DYNC2H1: variants seen among roughly 807,000 people sequenced by gnomAD.
The protein encoded by DYNC2H1 is dynein cytoplasmic 2 heavy chain 1.
Under a neutral mutation model 570.0 loss-of-function variants are expected in DYNC2H1, and 410 were observed. The ratio of observed to expected loss-of-function variants is 0.72; its 90% CI spans 0.66 to 0.78. The LOEUF (loss-of-function observed/expected upper bound fraction) is 0.78. Ranked by LOEUF, DYNC2H1 falls within the 30% of genes least tolerant of loss-of-function variation. DYNC2H1 has a pLI of 0.00. For synonymous variants in DYNC2H1, 1,688 were observed against 1,677.6 expected (o/e 1.01, Z -0.15); for missense variants, 4,865 against 5,046.4 (o/e 0.96, Z 1.09).
intron 43 of DYNC2H1, 72 bp from the exon 44 acceptor site, chr11:103,188,425 G>A: frequency 8.3e-7 from 1 of 1,211,970 alleles, no homozygotes; most frequent in South Asian, 1.9e-5. Context: ...TGAAACTTAG[G>A]CAAAAATATC....
Position 103,199,643 on chromosome 11 carries a change from T to C in DYNC2H1, c.8088+167T>C, listed in dbSNP as rs1862638392. 6.6e-6 allele frequency among the ~76,000 whole-genome samples: 1 copy of C among 152,184 alleles called. No homozygotes were observed. Among genetic ancestry groups the C allele is most frequent in the Admixed American group, 6.5e-5 (1 of 15,268 alleles). ...GTAGTCTTTATTTTAATTTAGATTA[T>C]TTTTTCCATGATTATTAGAAAATTA... On this transcript the variant is annotated intron_variant, in intron 49 of 88. Transcript: ENST00000375735. This position sits in a 1 kb window ranked among gnomAD's most constrained non-coding sequence, Gnocchi z 4.6.
rs534044522 is a variant in DYNC2H1 at position 103,306,205 on chromosome 11, G to A, written c.11382+1485G>A. Among the ~76,000 whole-genome samples the A allele has an allele frequency of 4.9e-4, 75 of 152,278 alleles. No individual in the cohort carries two copies. The Middle Eastern group carries it at 0.02, about 41-fold the overall frequency. On this transcript the variant is annotated intron_variant, in intron 77 of 88. Coordinates refer to ENST00000375735, the MANE Select transcript of DYNC2H1 (RefSeq NM_001377.3). ...TGGGATTGCAGGCGTGAGCCATCGCGCCTAGCCTGATAAATCATGTATGTT... is the reference window on the plus strand; with the variant it reads ...TGGGATTGCAGGCGTGAGCCATCGCACCTAGCCTGATAAATCATGTATGTT...
At chr11:103,138,441 A>G (rs1859697512) in intron 17 of DYNC2H1, among the ~76,000 whole-genome samples, 1 of 152,118 alleles carries the variant, frequency 6.6e-6, no homozygotes, top group African/African-American at 2.4e-5. Context: ...GAATTTTGTC[A>G]AAGGCCTTTT....
rs61898176 is a variant in DYNC2H1, at chr11:103,264,977, C to G, written c.10695+5000C>G. On this transcript the variant is annotated intron_variant, in intron 70 of 88. Transcript: ENST00000375735. This position sits in a 1 kb window ranked among gnomAD's most constrained non-coding sequence, Gnocchi z 4.8. ...TTGTATATTTAGAAAACCCCATCGT[C>G]TCAGCCCAAAAGCTCCTTAAGCTAA... Among the ~76,000 whole-genome samples the G allele has an allele frequency of 0.089, 13,468 of 152,180 alleles. 785 individuals carry two copies. Among genetic ancestry groups the G allele is most frequent in the Non-Finnish European group, 0.12 (8,136 of 67,996 alleles).
At chr11:103,142,264 C>T (rs1859988275) in intron 17 of DYNC2H1, among the ~76,000 whole-genome samples, 1 of 152,246 alleles carries the variant, frequency 6.6e-6, no homozygotes, top group Admixed American at 6.5e-5. Flanking sequence ...TACCTGGTAC[C>T]TCAGATGGAA....
chr11:103,200,399 T>G (rs533818534), intron 50 of DYNC2H1, among the ~76,000 whole-genome samples: 1 of 152,298 alleles, frequency 6.6e-6, no homozygotes, highest in South Asian at 2.1e-4. Flanking sequence ...AAAATTGACT[T>G]TTACATATAC....
Position 103,122,834 on chromosome 11 carries a change from A to G in DYNC2H1, c.1495A>G (p.Thr499Ala), listed in dbSNP as rs760756177. Reference sequence around the variant, plus strand: ...AATTTGGCTTTTTAAGGTAGATGATACTATCAAGATTGCAGAGGCTCTTTT... The same window carrying G: ...AATTTGGCTTTTTAAGGTAGATGATGCTATCAAGATTGCAGAGGCTCTTTT... ...VRQLELKVDD[T>A]IKIAEALLSD... Residue 499 changes from threonine to alanine, a missense_variant, in exon 11 of 89, where the codon ACT becomes GCT. This residue lies in a region of DYNC2H1 where 1,936 missense variants were observed against 1,962.1 expected (regional missense o/e 0.99). Coordinates refer to ENST00000375735, the MANE Select transcript of DYNC2H1 (RefSeq NM_001377.3). 3 of 1,612,710 alleles carry G rather than the reference A, an allele frequency of 1.9e-6. No individual in the cohort carries two copies. The highest frequency in any genetic ancestry group is 3.3e-5 in the Admixed American group (2 of 59,864).
chr11:103,270,529 T>C lies in DYNC2H1; in HGVS notation c.10696-9819T>C, dbSNP rs796172904. ...TAGAGCAATTGTAACAATTGTAAAA[T>C]AGAACAATTGTAACAATATATAGTG... is the stretch of plus-strand genomic sequence containing the variant. On this transcript the variant is annotated intron_variant, in intron 70 of 88. Transcript: ENST00000375735. Among the ~76,000 whole-genome samples, 14 of 151,974 alleles carry C rather than the reference T, an allele frequency of 9.2e-5. No individual in the cohort carries two copies. The South Asian group carries it at 1.7e-3, about 18-fold the overall frequency.
In DYNC2H1 at chr11:103,369,456, C is replaced by T. The variant is rs143890795; in HGVS notation, c.12156+11097C>T. On this transcript the variant is annotated intron_variant, in intron 83 of 88. Transcript: ENST00000375735. The surrounding 1 kb of genome is among the most constrained non-coding windows in gnomAD (Gnocchi z 4.0). Reference sequence around the variant, plus strand: ...CAGAGACAGTGAACTGGAAGGGACACGTGACCTACTGAGGCACCTGCTGGG... The same window carrying T: ...CAGAGACAGTGAACTGGAAGGGACATGTGACCTACTGAGGCACCTGCTGGG... Among the ~76,000 whole-genome samples the T allele has an allele frequency of 2.6e-3, 391 of 152,260 alleles. 5 individuals are homozygous for T. The highest frequency in any genetic ancestry group is 0.022 in the Admixed American group (337 of 15,278).
At chr11:103,454,148 G>A (rs551415771) in intron 85 of DYNC2H1, among the ~76,000 whole-genome samples, 198 of 152,152 alleles carry the variant, frequency 1.3e-3, no homozygotes, top group Non-Finnish European at 2.5e-3. Flanking sequence ...AGATGTAAAT[G>A]CTTGGGTAAA....
chr11:103,304,608 A>G lies in DYNC2H1; in HGVS notation c.11270A>G (p.Gln3757Arg), dbSNP rs758727391. 4.2e-5 allele frequency: 68 copies of G among 1,612,270 alleles called. No individual in the cohort carries two copies. The Admixed American group carries it at 1.1e-3, about 27-fold the overall frequency. ...TTGCTTTTGTAGGTTGCCATGGGTC[A>G]AGGTCAAGCTGATTTAGCAATTCAA... ...GECYHQVAMGQGQADLAIQML... is the reference protein window; with the variant it reads ...GECYHQVAMGRGQADLAIQML... Residue 3757 changes from glutamine (Q) to arginine (R), a missense_variant, in exon 77 of 89, where the codon CAA becomes CGA. By Grantham distance (43) the Gln-to-Arg change is conservative. Around this residue, in one of 5 missense-constraint regions of DYNC2H1, gnomAD observed 2,401 missense variants for 2,454.6 expected, o/e 0.98. Transcript: ENST00000375735.
chr11:103,246,036 A>G (rs1864602119), intron 65 of DYNC2H1, among the ~76,000 whole-genome samples: 1 of 152,134 alleles, frequency 6.6e-6, no homozygotes, highest in Non-Finnish European at 1.5e-5. Context: ...AGCATGCACT[A>G]TTCTCTGATA....
intron 40 of DYNC2H1, among the ~76,000 whole-genome samples, chr11:103,182,987 T>G (rs1861914819): frequency 6.6e-6 from 1 of 151,892 alleles, no homozygotes; most frequent in African/African-American, 2.4e-5. Flanking sequence ...ACACTCCCAT[T>G]AGCTCCTAGT....
chr11:103,352,765 A>C (rs1290584017), intron 82 of DYNC2H1, among the ~76,000 whole-genome samples: 1 of 152,210 alleles, frequency 6.6e-6, no homozygotes, highest in Non-Finnish European at 1.5e-5. Flanking sequence ...CTAGAACCAG[A>C]AATACCATTC....
rs1349773606 is a variant in DYNC2H1 at position 103,472,406 on chromosome 11, A to G, written c.12765+3701A>G. Reference sequence around the variant, plus strand: ...AAAAATTTTTTTTAAAGAATTGAGAACAGGAGTATGGTAAGATCAGATTTG... The same window carrying G: ...AAAAATTTTTTTTAAAGAATTGAGAGCAGGAGTATGGTAAGATCAGATTTG... On this transcript the variant is annotated intron_variant, in intron 88 of 88. Transcript: ENST00000375735. This position sits in a 1 kb window ranked among gnomAD's most constrained non-coding sequence, Gnocchi z 4.1. Among the ~76,000 whole-genome samples, 4 of 152,164 alleles carry G rather than the reference A, an allele frequency of 2.6e-5. No homozygotes were observed. The highest frequency in any genetic ancestry group is 2.0e-4 in the Admixed American group (3 of 15,268).
intron 85 of DYNC2H1, among the ~76,000 whole-genome samples, chr11:103,453,635 T>C (rs1035397581): frequency 3.7e-5 from 4 of 106,704 alleles, no homozygotes; most frequent in African/African-American, 1.3e-4. Flanking sequence ...TATATATATA[T>C]ATATATACAC....
rs1251171225 is a variant in DYNC2H1 at position 103,189,896 on chromosome 11, T to A, written c.7437+80T>A. ...TCTACTTTTAATTCTGACCTCTGTG[T>A]TGACACCCAGGCTTTACTTTCCTGT... On this transcript the variant is annotated intron_variant, in intron 45 of 88. Transcript: ENST00000375735. The surrounding 1 kb of genome is among the most constrained non-coding windows in gnomAD (Gnocchi z 4.3). 6 of 1,396,878 alleles carry A rather than the reference T, an allele frequency of 4.3e-6. No homozygotes were observed. In the African/African-American group the frequency reaches 4.3e-5, roughly 10 times the overall value. 86.5% of individuals were successfully genotyped at this position (1,396,878 alleles called of 1,614,324 possible). A position where few individuals can be genotyped will look rare whatever the true frequency, so the allele number is the denominator to read the frequency against.
At chr11:103,331,734 A>G (rs1010045848) in intron 82 of DYNC2H1, among the ~76,000 whole-genome samples, 2 of 152,210 alleles carry the variant, frequency 1.3e-5, no homozygotes, top group Non-Finnish European at 2.9e-5. Context: ...ACTACCTAAC[A>G]GAAAATTTAA....
intron 87 of DYNC2H1, among the ~76,000 whole-genome samples, chr11:103,467,845 A>G (rs573164605): frequency 9.9e-5 from 15 of 152,238 alleles, no homozygotes; most frequent in African/African-American, 3.4e-4. Context: ...CCGGCACTGT[A>G]CACTTTAAGT....
Sources: allele counts gnomAD v4.1 joint callset (sites outside exome capture counted in the v4.1 genomes callset), GRCh38; gene constraint gnomAD v4.1.1; regional missense constraint gnomAD v4.1.1; non-coding constraint Gnocchi (gnomAD v3.1); transcripts MANE v1.5; gene names NCBI Gene and HGNC (gene_info 2026-07-23, HGNC 2026-07-21).